The following PPEF1 variants were observed in gnomAD, a reference collection of about 807,000 sequenced individuals.
PPEF1 encodes the protein serine/threonine-protein phosphatase with EF-hands 1.
Under a neutral mutation model 53.3 loss-of-function variants are expected in PPEF1, and 12 were observed. The observed-to-expected ratio is 0.23, with a 90% CI of 0.14 to 0.36. The LOEUF (loss-of-function observed/expected upper bound fraction) is 0.36. PPEF1 is among the 10% of genes least tolerant of loss of function. PPEF1 has a pLI of 1.00. For missense variants in PPEF1, 334 were observed against 490.4 expected (o/e 0.68, Z 3.01); for synonymous variants, 165 against 176.7 (o/e 0.93, Z 0.52).
In PPEF1 at chrX:18,784,310, A is replaced by G. The variant is rs767937970; in HGVS notation, c.912+262A>G. ...AAAAATGAGGAAATGTTGGCATTTTATGTAGTTTCTAAAAGTGAAAAATCC... is the reference window on the plus strand; with the variant it reads ...AAAAATGAGGAAATGTTGGCATTTTGTGTAGTTTCTAAAAGTGAAAAATCC... On this transcript the variant is annotated intron_variant, in intron 9 of 15. Transcript: ENST00000470157. 3.6e-5 allele frequency among the ~76,000 whole-genome samples: 4 copies of G among 112,007 alleles called. No individual in the cohort carries two copies. In the East Asian group the frequency reaches 8.4e-4, roughly 23 times the overall value.
chrX:18,798,187 T>A (rs1206849442), intron 10 of PPEF1, among the ~76,000 whole-genome samples: 1 of 110,476 alleles, frequency 9.1e-6, no homozygotes, highest in Non-Finnish European at 1.9e-5. Flanking sequence ...GCTCAAGTGA[T>A]TCTCTCACCT....
intron 4 of PPEF1, among the ~76,000 whole-genome samples, chrX:18,696,424 A>G (rs1929726912): frequency 9.2e-6 from 1 of 108,965 alleles, no homozygotes; most frequent in African/African-American, 3.3e-5. Context: ...AAGTGCTGGG[A>G]TTACAGGTAT....
intron 9 of PPEF1, among the ~76,000 whole-genome samples, chrX:18,786,960 G>A (rs112522981): frequency 0.022 from 2,441 of 110,733 alleles, 81 homozygotes; most frequent in African/African-American, 0.076. Context: ...GATACCTAAA[G>A]TTTCACCCCC....
chrX:18,681,910 C>A (rs1035405751), upstream of PPEF1, among the ~76,000 whole-genome samples: 1 of 112,033 alleles, frequency 8.9e-6, no homozygotes, highest in Non-Finnish European at 1.9e-5. Flanking sequence ...TAACTGCAGC[C>A]CATCTGCACT....
chrX:18,682,060 C>T (rs923892119), upstream of PPEF1, among the ~76,000 whole-genome samples: 19 of 112,837 alleles, frequency 1.7e-4, no homozygotes, highest in African/African-American at 5.5e-4. Flanking sequence ...TTAAAGGACA[C>T]CAGATGGCTC....
chrX:18,794,958 C>T (rs962411099), intron 10 of PPEF1, among the ~76,000 whole-genome samples: 12 of 112,438 alleles, frequency 1.1e-4, no homozygotes, highest in African/African-American at 3.9e-4. Flanking sequence ...AATGTTTCTC[C>T]ATATGCTGTA....
intron 12 of PPEF1, among the ~76,000 whole-genome samples, chrX:18,816,140 A>G (rs1037203591): frequency 1.8e-5 from 2 of 110,634 alleles, no homozygotes; most frequent in Admixed American, 9.7e-5. Flanking sequence ...ATAGGCATCT[A>G]TAGCTATAAA....
intron 13 of PPEF1, among the ~76,000 whole-genome samples, chrX:18,821,758 CGAGAGAGAGAGAGA>C (rs754652406): frequency 0.16 from 4,686 of 28,582 alleles, 153 homozygotes; most frequent in Non-Finnish European, 0.26. Flanking sequence ...GAAACCATGG[CGAGAGAGAGAGAGA>C]GAGAGAGAGA....
At chrX:18,689,535 G>T (rs1484566686) in intron 3 of PPEF1, among the ~76,000 whole-genome samples, 1 of 108,142 alleles carries the variant, frequency 9.2e-6, no homozygotes, top group East Asian at 3.0e-4. Flanking sequence ...AAAGAGTACT[G>T]TGTTATAGAG....
intron 1 of PPEF1, among the ~76,000 whole-genome samples, chrX:18,711,522 G>C (rs745814247): frequency 8.9e-6 from 1 of 111,791 alleles, no homozygotes; most frequent in South Asian, 3.7e-4. Context: ...ACCATTTTGA[G>C]TTGCTGATTT....
At chrX:18,689,475 C>T (rs1268075609) in intron 3 of PPEF1, among the ~76,000 whole-genome samples, 1 of 105,386 alleles carries the variant, frequency 9.5e-6, no homozygotes. Context: ...TCATAGCTCA[C>T]TCTCGACAGA....
At chrX:18,718,273 C>A (rs16980867) in intron 1 of PPEF1, among the ~76,000 whole-genome samples, 4,315 of 111,702 alleles carry the variant, frequency 0.039, 234 homozygotes, top group African/African-American at 0.13. Flanking sequence ...GAATCGTGAA[C>A]CTTTAGAAGG....
At chrX:18,686,916 C>G (rs2147232049) in intron 3 of PPEF1, among the ~76,000 whole-genome samples, 1 of 111,060 alleles carries the variant, frequency 9.0e-6, no homozygotes, top group African/African-American at 3.3e-5. Context: ...AGGAGATATA[C>G]AGTGTCACAT....
At chrX:18,690,028 A>G (rs775450502) in intron 3 of PPEF1, among the ~76,000 whole-genome samples, 1 of 110,870 alleles carries the variant, frequency 9.0e-6, no homozygotes, top group East Asian at 2.9e-4. Flanking sequence ...TCACTCTCAT[A>G]AAATGAATAC....
intron 12 of PPEF1, 81 bp downstream of exon 12, chrX:18,806,626 C>A (rs149361852): frequency 4.3e-6 from 4 of 932,662 alleles, no homozygotes; most frequent in Admixed American, 3.2e-5. Context: ...AGAGCAGCCA[C>A]GTGAGTGAAG....
intron 13 of PPEF1, 30 bp downstream of exon 13, chrX:18,818,175 C>A (rs373439581): frequency 2.0e-6 from 2 of 991,292 alleles, no homozygotes; most frequent in Non-Finnish European, 2.8e-6. Flanking sequence ...TTTACCATTT[C>A]TTAACACACC....
chrX:18,777,390 TGTA>T (rs1442709309), intron 6 of PPEF1, among the ~76,000 whole-genome samples: 19 of 113,092 alleles, frequency 1.7e-4, no homozygotes, highest in African/African-American at 5.8e-4. Context: ...GATTTTTAAA[TGTA>T]GTCAGAAATC....
At chrX:18,767,821 A>C (rs1440740663) in intron 6 of PPEF1, among the ~76,000 whole-genome samples, 1 of 110,690 alleles carries the variant, frequency 9.0e-6, no homozygotes, top group Non-Finnish European at 1.9e-5. Flanking sequence ...TCTCAAAGGA[A>C]GAGAGTGGTG....
intron 11 of PPEF1, 107 bp downstream of exon 11, chrX:18,804,184 C>CA: frequency 2.7e-6 from 2 of 734,423 alleles, no homozygotes; most frequent in South Asian, 3.0e-5. Flanking sequence ...GATGTCTTCT[C>CA]TAGTACCAAA....
Sources: allele counts gnomAD v4.1 joint callset (sites outside exome capture counted in the v4.1 genomes callset), GRCh38; gene constraint gnomAD v4.1.1; transcripts MANE v1.5; gene names NCBI Gene and HGNC (gene_info 2026-07-23, HGNC 2026-07-21).